The following OR3A2 variants were observed in gnomAD, a reference collection of about 807,000 sequenced individuals.
OR3A2 encodes olfactory receptor family 3 subfamily A member 2.
For missense variants in OR3A2, 318 were observed against 392.8 expected (o/e 0.81, Z 1.61); for synonymous variants, 126 against 159.3 (o/e 0.79, Z 1.57).
Position 3,282,360 on chromosome 17 carries a change from C to T in OR3A2, c.-7+1998G>A, listed in dbSNP as rs540369389. Among the ~76,000 whole-genome samples the T allele has an allele frequency of 3.3e-5, 5 of 152,262 alleles. No homozygotes were observed. The East Asian group carries it at 9.7e-4, about 29-fold the overall frequency. On this transcript the variant is annotated intron_variant, in intron 1 of 1. Coordinates refer to ENST00000642052, the Ensembl canonical transcript of OR3A2. The stretch of plus-strand genomic sequence containing the variant: ...GGCGGAGGTTGCAGTGAGCTGAGAT[C>T]GCGCCACTGCACTCCGGCCTGGGCG...
At chr17:3,319,383 TTTA>T (rs961647749) in intron 3 of OR3A2, among the ~76,000 whole-genome samples, 2 of 152,094 alleles carry the variant, frequency 1.3e-5, no homozygotes, top group Non-Finnish European at 2.9e-5. Flanking sequence ...TTTTTTAAAT[TTTA>T]TTATTATACT....
chr17:3,325,425 G>T lies in OR3A2; in HGVS notation c.-85+10608C>A, dbSNP rs1047485417. Among the ~76,000 whole-genome samples, 5 of 151,956 alleles carry T rather than the reference G, an allele frequency of 3.3e-5. No homozygotes were observed. The East Asian group carries it at 9.6e-4, about 29-fold the overall frequency. On this transcript the variant is annotated intron_variant, in intron 3 of 4. Transcript: ENST00000573491. The stretch of plus-strand genomic sequence containing the variant: ...CGGTTTCACCAGGTTGGCCAGGCTG[G>T]TCTCAAACTCCTGACCTCAGGTGAT...
At chr17:3,325,599 T>G (rs950929291) in intron 3 of OR3A2, among the ~76,000 whole-genome samples, 13 of 152,174 alleles carry the variant, frequency 8.5e-5, no homozygotes, top group Middle Eastern at 3.4e-3. Flanking sequence ...CTGAACTTTA[T>G]ATTCTGTTAC....
At chr17:3,384,799 T>C (rs1488546296) in intron 1 of OR3A2, among the ~76,000 whole-genome samples, 1 of 152,164 alleles carries the variant, frequency 6.6e-6, no homozygotes, top group Non-Finnish European at 1.5e-5. Context: ...TTTTTGTTGA[T>C]GGCTGCTTTT....
intron 2 of OR3A2, among the ~76,000 whole-genome samples, chr17:3,342,130 C>A (rs751514058): frequency 3.3e-5 from 5 of 152,154 alleles, no homozygotes; most frequent in Non-Finnish European, 7.4e-5. Flanking sequence ...CATTTAAAGT[C>A]TTCTCTACAC....
chr17:3,296,871 T>C (rs2048922764), intron 3 of OR3A2, among the ~76,000 whole-genome samples: 1 of 152,198 alleles, frequency 6.6e-6, no homozygotes, highest in African/African-American at 2.4e-5. Context: ...TGTTAAACTT[T>C]CAAGGAATCA....
chr17:3,345,831 AG>A (rs1454562893), intron 2 of OR3A2, among the ~76,000 whole-genome samples: 1 of 152,216 alleles, frequency 6.6e-6, no homozygotes, highest in Non-Finnish European at 1.5e-5. Context: ...AATTGAATAA[AG>A]TACCCACATT....
upstream of OR3A2, among the ~76,000 whole-genome samples, chr17:3,288,485 G>A (rs879520972): frequency 6.6e-6 from 1 of 152,044 alleles, no homozygotes; most frequent in African/African-American, 2.4e-5. Context: ...AGCGATGTTT[G>A]CACAACACAA....
intron 2 of OR3A2, among the ~76,000 whole-genome samples, chr17:3,360,356 A>C (rs113218583): frequency 0.087 from 13,234 of 151,512 alleles, 1,174 homozygotes; most frequent in East Asian, 0.49. Context: ...ATTTTCTCCT[A>C]TTCTGTAGGT....
At chr17:3,278,993 A>C in intron 1 of OR3A2, 70 bp from the exon 5 acceptor site, 2 of 1,563,732 alleles carry the variant, frequency 1.3e-6, no homozygotes, top group South Asian at 1.2e-5. Flanking sequence ...TAATATTTTA[A>C]ACCATTTATG....
intron 3 of OR3A2, among the ~76,000 whole-genome samples, chr17:3,324,462 G>T (rs942891996): frequency 1.3e-5 from 2 of 152,024 alleles, no homozygotes; most frequent in African/African-American, 4.8e-5. Context: ...CAGTTTTTCT[G>T]CTCTGTTTTC....
chr17:3,302,733 G>T (rs1360068840), intron 3 of OR3A2, among the ~76,000 whole-genome samples: 2 of 152,158 alleles, frequency 1.3e-5, no homozygotes. Context: ...GACTGGGAAA[G>T]GGCTAGTGGC....
chr17:3,373,791 T>C (rs1021755399), intron 2 of OR3A2, among the ~76,000 whole-genome samples: 1 of 152,238 alleles, frequency 6.6e-6, no homozygotes, highest in African/African-American at 2.4e-5. Context: ...GCCATTTACA[T>C]TCAATGTTAA....
intron 2 of OR3A2, among the ~76,000 whole-genome samples, chr17:3,336,664 T>C (rs1048785449): frequency 2.0e-5 from 3 of 152,210 alleles, no homozygotes; most frequent in East Asian, 1.9e-4. Context: ...AATTTGAAGA[T>C]GTATCCAAAT....
At chr17:3,345,039 T>C (rs2049350685) in intron 2 of OR3A2, among the ~76,000 whole-genome samples, 1 of 152,094 alleles carries the variant, frequency 6.6e-6, no homozygotes, top group Admixed American at 6.6e-5. Flanking sequence ...CCAAGAAGAA[T>C]AAAATGATTG....
rs538366517 is a variant in OR3A2 at position 3,289,865 on chromosome 17, GC to G, written c.-84-10713del. Reference sequence around the variant, plus strand: ...GTGTCCCTGAAGTTTGTCTGATGATGCAATAAATCAGAAAAAGGCATCTTTT... The same window carrying G: ...GTGTCCCTGAAGTTTGTCTGATGATGAATAAATCAGAAAAAGGCATCTTTT... On this transcript the variant is annotated intron_variant, in intron 3 of 4. Transcript: ENST00000573491. 2.4e-3 allele frequency among the ~76,000 whole-genome samples: 371 copies of G among 152,228 alleles called. 1 individual carries two copies. Among genetic ancestry groups the G allele is most frequent in the African/African-American group, 8.4e-3 (348 of 41,544 alleles).
At chr17:3,362,628 C>T (rs972821415) in intron 2 of OR3A2, among the ~76,000 whole-genome samples, 2 of 151,632 alleles carry the variant, frequency 1.3e-5, no homozygotes, top group African/African-American at 4.9e-5. Context: ...TCTTTGTTCT[C>T]GTTGGTTTCA....
chr17:3,318,142 G>T (rs1034404770), intron 3 of OR3A2, among the ~76,000 whole-genome samples: 1 of 152,150 alleles, frequency 6.6e-6, no homozygotes, highest in Non-Finnish European at 1.5e-5. Flanking sequence ...GGAGTTAAGT[G>T]CTTACAAGTT....
At chr17:3,372,886 AGAGGGAGAGGGAGAG>A (rs2049644792) in intron 2 of OR3A2, among the ~76,000 whole-genome samples, 1 of 92,226 alleles carries the variant, frequency 1.1e-5, no homozygotes, top group Non-Finnish European at 2.1e-5. Flanking sequence ...AGGGAGAGGG[AGAGGGAGAGGGAGAG>A]GGAGAGGGCT....
Sources: gnomAD v4.1 joint callset for allele counts (sites outside exome capture counted in the v4.1 genomes callset) on GRCh38, gnomAD v4.1.1 for gene constraint, MANE v1.5 for transcripts, NCBI Gene and HGNC (gene_info 2026-07-23, HGNC 2026-07-21) for gene names.